Variants in UNC5C observed in about 807,000 individuals in gnomAD.
The protein encoded by UNC5C is unc-5 netrin receptor C.
UNC5C carries 47 observed loss-of-function variants against 99.8 expected under a neutral mutation model. That is an observed-to-expected ratio of 0.47 (90% confidence interval 0.37 to 0.60). The LOEUF is 0.60. Among genes scored for constraint, UNC5C ranks in the 20% least tolerant of loss-of-function variants. The pLI, the probability that UNC5C is intolerant of heterozygous loss-of-function variation, is 0.00. For missense variants in UNC5C, 1,062 were observed against 1,165.9 expected (o/e 0.91, Z 1.30); for synonymous variants, 487 against 452.2 (o/e 1.08, Z -0.98).
intron 2 of UNC5C, among the ~76,000 whole-genome samples, chr4:95,311,606 G>A (rs1375920133): frequency 2.0e-5 from 3 of 152,118 alleles, no homozygotes; most frequent in African/African-American, 7.2e-5. Context: ...TAATGTGTTC[G>A]TGGAAATCTA....
In UNC5C at chr4:95,269,689, T is replaced by G. The variant is rs373250505; in HGVS notation, c.594+8570A>C. ...GATGTAGATAATCTATGTACCACAG[T>G]TAGAATAGCAAGGCCTTGACAATTT... On this transcript the variant is annotated intron_variant, in intron 4 of 15. Transcript: ENST00000453304. 3.3e-5 allele frequency among the ~76,000 whole-genome samples: 5 copies of G among 151,960 alleles called. No homozygotes were observed. The East Asian group carries it at 9.7e-4, about 29-fold the overall frequency.
At chr4:95,529,304 T>TTATATGTA (rs1722578250) in intron 1 of UNC5C, among the ~76,000 whole-genome samples, 1 of 148,038 alleles carries the variant, frequency 6.8e-6, no homozygotes, top group Non-Finnish European at 1.5e-5. Flanking sequence ...GTATATATAT[T>TTATATGTA]TATATGTATA....
At chr4:95,192,586 A>C (rs1404792046) in intron 12 of UNC5C, among the ~76,000 whole-genome samples, 301 of 44,882 alleles carry the variant, frequency 6.7e-3, no homozygotes, top group Middle Eastern at 0.021. Context: ...TCACCTCCTC[A>C]CCTTCTCACC....
chr4:95,198,012 G>T (rs1256481684), intron 12 of UNC5C, among the ~76,000 whole-genome samples: 2 of 147,478 alleles, frequency 1.4e-5, no homozygotes, highest in Admixed American at 1.4e-4. Flanking sequence ...TTAAGAGATG[G>T]GGTCTCGCTC....
At chr4:95,366,289 C>A (rs1223421896) in intron 1 of UNC5C, among the ~76,000 whole-genome samples, 4 of 152,082 alleles carry the variant, frequency 2.6e-5, no homozygotes, top group Non-Finnish European at 5.9e-5. Context: ...TGTAGTGAGA[C>A]CTCCATCTCA....
At chr4:95,511,601 A>T (rs1047606630) in intron 1 of UNC5C, among the ~76,000 whole-genome samples, 3 of 152,254 alleles carry the variant, frequency 2.0e-5, no homozygotes, top group East Asian at 1.9e-4. Flanking sequence ...TCATTCCTTC[A>T]GCAGATACTT....
At chr4:95,486,929 G>C (rs552422532) in intron 1 of UNC5C, among the ~76,000 whole-genome samples, 134 of 151,772 alleles carry the variant, frequency 8.8e-4, no homozygotes, top group African/African-American at 3.0e-3. Flanking sequence ...GGTCATCAGG[G>C]CTCCATTCTC....
In UNC5C at chr4:95,219,036, A is replaced by G; in HGVS notation, c.1578T>C (p.Thr526=). 1 of 1,614,200 alleles carries G rather than the reference A, an allele frequency of 6.2e-7. No homozygotes were observed. Among genetic ancestry groups the G allele is most frequent in the Non-Finnish European group, 8.5e-7 (1 of 1,180,040 alleles). ...TGCCAAATGCGGTACAGGATGGATC[A>G]GTCTGCCTTGCTAGACTCTGGTTCT... The part of the protein sequence containing the change: ...SLKNQSLARQ[T]DPSCTAFGSF... The change falls in exon 9 of 16, where the codon ACT becomes ACC. Residue 526 remains threonine (T), a synonymous_variant. Coordinates refer to ENST00000453304, the MANE Select transcript of UNC5C (RefSeq NM_003728.4).
rs34609153 is a variant in UNC5C at position 95,398,044 on chromosome 4, C to CTTTTTTTTTTTTTTTTT, written c.125-62430_125-62414dup. Among the ~76,000 whole-genome samples the CTTTTTTTTTTTTTTTTT allele has an allele frequency of 3.7e-3, 357 of 95,814 alleles. 16 individuals are homozygous for CTTTTTTTTTTTTTTTTT. The highest frequency in any genetic ancestry group is 7.0e-3 in the African/African-American group (144 of 20,432). The allele number at this position is 95,814 out of a possible 152,430, so 62.9% of individuals were successfully genotyped here. A position where few individuals can be genotyped will look rare whatever the true frequency, so the allele number is the denominator to read the frequency against. On this transcript the variant is annotated intron_variant, in intron 1 of 15. Transcript: ENST00000453304. ...CCCAATGAGAAGTAGCCAAATGTAG[C>CTTTTTTTTTTTTTTTTT]TTTTTTTTTTTTTTTTTTTGCTTAT...
chr4:95,449,219 C>T (rs1362907761), intron 1 of UNC5C, among the ~76,000 whole-genome samples: 1 of 152,160 alleles, frequency 6.6e-6, no homozygotes, highest in African/African-American at 2.4e-5. Flanking sequence ...CCAGTTAAGC[C>T]CTCAACTTGA....
Position 95,539,725 on chromosome 4 carries a change from T to C in UNC5C, c.124+9009A>G, listed in dbSNP as rs76739291. On this transcript the variant is annotated intron_variant, in intron 1 of 15. Transcript: ENST00000453304. Reference sequence around the variant, plus strand: ...TTAGTGAACTATATTTGTCTTCTCCTTGTCATTCTTCATTTCGTTAAGAAT... The same window carrying C: ...TTAGTGAACTATATTTGTCTTCTCCCTGTCATTCTTCATTTCGTTAAGAAT... 2.4e-3 allele frequency among the ~76,000 whole-genome samples: 366 copies of C among 152,228 alleles called. 5 individuals are homozygous for C. In the East Asian group the frequency reaches 0.042, roughly 17 times the overall value.
chr4:95,256,072 C>A lies in UNC5C; in HGVS notation c.595-5405G>T, dbSNP rs558353742. The stretch of plus-strand genomic sequence containing the variant: ...TTGCTTTCTCTGGACAGCACACTTT[C>A]CTGGGTTTTGTCCTACATTGCTTCA... On this transcript the variant is annotated intron_variant, in intron 4 of 15. Transcript: ENST00000453304. Among the ~76,000 whole-genome samples, 9 of 152,248 alleles carry A rather than the reference C, an allele frequency of 5.9e-5. 1 individual carries two copies. The South Asian group carries it at 1.9e-3, about 32-fold the overall frequency.
At chr4:95,238,740 C>T (rs762547236) in intron 7 of UNC5C, among the ~76,000 whole-genome samples, 1 of 152,154 alleles carries the variant, frequency 6.6e-6, no homozygotes, top group Non-Finnish European at 1.5e-5. Flanking sequence ...TATGTATTAA[C>T]AAAACTTCCC....
intron 1 of UNC5C, among the ~76,000 whole-genome samples, chr4:95,345,955 A>T (rs1339547331): frequency 2.0e-5 from 3 of 151,980 alleles, no homozygotes; most frequent in Non-Finnish European, 4.4e-5. Context: ...TGGAGAAGCT[A>T]TAGCAAACTA....
intron 12 of UNC5C, among the ~76,000 whole-genome samples, chr4:95,191,078 C>T (rs1360504499): frequency 6.6e-6 from 1 of 152,180 alleles, no homozygotes; most frequent in African/African-American, 2.4e-5. Flanking sequence ...AGAATGCTCC[C>T]AGGCTCTTAG....
At chr4:95,429,585 C>G (rs1746578402) in intron 1 of UNC5C, among the ~76,000 whole-genome samples, 1 of 152,084 alleles carries the variant, frequency 6.6e-6, no homozygotes, top group African/African-American at 2.4e-5. Context: ...TCCTGGCAGG[C>G]TGTAAGCTTT....
At position 95,317,838 on chromosome 4, in the gene UNC5C, C is replaced by T. The variant is rs553982567; in HGVS notation, c.347-16089G>A. On this transcript the variant is annotated intron_variant, in intron 2 of 15. Coordinates refer to ENST00000453304, the MANE Select transcript of UNC5C (RefSeq NM_003728.4). The stretch of plus-strand genomic sequence containing the variant: ...AAGTGCCTTTACTTTCAACCCCCAC[C>T]ACTCCTACTCGGTCTCTCCACCATC... Among the ~76,000 whole-genome samples the T allele has an allele frequency of 3.9e-5, 6 of 152,244 alleles. No homozygotes were observed. In the East Asian group the frequency reaches 1.2e-3, roughly 29 times the overall value.
intron 12 of UNC5C, among the ~76,000 whole-genome samples, chr4:95,191,224 A>G (rs911975061): frequency 6.6e-6 from 1 of 152,118 alleles, no homozygotes; most frequent in Non-Finnish European, 1.5e-5. Context: ...GTTAGATTTC[A>G]TCTGCCTCAT....
intron 1 of UNC5C, among the ~76,000 whole-genome samples, chr4:95,542,728 A>G (rs1301001846): frequency 6.6e-6 from 1 of 152,082 alleles, no homozygotes; most frequent in East Asian, 1.9e-4. Context: ...AAAGAGTCCA[A>G]ATATCTGCAA....
Sources: gnomAD v4.1 joint callset for allele counts (sites outside exome capture counted in the v4.1 genomes callset) on GRCh38, gnomAD v4.1.1 for gene constraint, MANE v1.5 for transcripts, NCBI Gene and HGNC (gene_info 2026-07-23, HGNC 2026-07-21) for gene names.